Variants in BAIAP2L1 observed in about 807,000 individuals in gnomAD.
BAIAP2L1 encodes the protein BAR/IMD domain-containing adapter protein 2-like 1.
A neutral mutation model predicts 66.3 loss-of-function variants in BAIAP2L1; 35 were observed. The ratio of observed to expected loss-of-function variants is 0.53; its 90% CI spans 0.40 to 0.70. The LOEUF (loss-of-function observed/expected upper bound fraction) is 0.70. BAIAP2L1 is among the 30% of genes least tolerant of loss of function. The probability of loss-of-function intolerance (pLI) is 0.00; values close to 1 mark genes in which losing one functional copy is unlikely to be tolerated. For missense variants in BAIAP2L1, 622 were observed against 656.9 expected, an observed-to-expected ratio of 0.95 and a Z score of 0.58; for synonymous variants, 269 against 248.7, an observed-to-expected ratio of 1.08 and a Z score of -0.77.
chr7:98,351,108 G>A lies in BAIAP2L1; in HGVS notation c.214+3934C>T, dbSNP rs542239900. ...ACTCCTGACCTCGGGTGATCCGCCC[G>A]CCTTGGCCTTCCAAAGTGCTGGGAT... On this transcript the variant is annotated intron_variant, in intron 3 of 13. Coordinates refer to ENST00000005260, the MANE Select transcript of BAIAP2L1 (RefSeq NM_018842.5). Among the ~76,000 whole-genome samples the A allele has an allele frequency of 3.3e-5, 5 of 152,194 alleles. No individual in the cohort carries two copies. In the East Asian group the frequency reaches 5.8e-4, roughly 18 times the overall value.
At chr7:98,307,476 A>T in intron 10 of BAIAP2L1, 1 of 1,420,838 alleles carries the variant, frequency 7.0e-7, no homozygotes, top group Admixed American at 2.9e-5. Context: ...ATACGCTCTA[A>T]TAACTATGCA....
chr7:98,397,307 C>T (rs1287249124), intron 1 of BAIAP2L1, among the ~76,000 whole-genome samples: 2 of 145,352 alleles, frequency 1.4e-5, no homozygotes, highest in Non-Finnish European at 3.0e-5. Context: ...TCTTCCTCCA[C>T]TTCTTAAGCC....
In BAIAP2L1 at chr7:98,305,052, T is replaced by TTG. The variant is rs1172951903; in HGVS notation, c.1242-677_1242-676insCA. 3.8e-3 allele frequency among the ~76,000 whole-genome samples: 338 copies of TTG among 89,904 alleles called. 1 individual carries two copies. Among genetic ancestry groups the TTG allele is most frequent in the East Asian group, 0.028 (95 of 3,382 alleles). The allele number at this position is 89,904 out of a possible 152,430, so 59.0% of individuals were successfully genotyped here. A position where few individuals can be genotyped will look rare whatever the true frequency, so the allele number is the denominator to read the frequency against. ...AGCTAATTTTTTTGTTTTTTGTTTT[T>TTG]TTTTTTTTTTTTTTTTTTAGTAGAG... On this transcript the variant is annotated intron_variant, in intron 11 of 13. Transcript: ENST00000005260.
chr7:98,294,566 T>A (rs1800108090), intron 12 of BAIAP2L1, among the ~76,000 whole-genome samples: 1 of 152,120 alleles, frequency 6.6e-6, no homozygotes, highest in East Asian at 1.9e-4. Flanking sequence ...AAATGAAGCT[T>A]GAGCAACAGA....
chr7:98,392,235 T>C (rs1803063800), intron 1 of BAIAP2L1, among the ~76,000 whole-genome samples: 1 of 149,620 alleles, frequency 6.7e-6, no homozygotes, highest in Non-Finnish European at 1.5e-5. Context: ...TCCCAGCTAC[T>C]AAGGGAGGCT....
chr7:98,320,949 T>G (rs796617787), intron 3 of BAIAP2L1, among the ~76,000 whole-genome samples: 4 of 152,308 alleles, frequency 2.6e-5, no homozygotes, highest in African/African-American at 9.6e-5. Flanking sequence ...CTCCACCTCC[T>G]GGGTTCAAGT....
At chr7:98,310,705 G>A in intron 8 of BAIAP2L1, 113 bp from the exon 9 acceptor site, 5 of 491,652 alleles carry the variant, frequency 1.0e-5, no homozygotes, top group Non-Finnish European at 6.2e-6. Context: ...TATTTATTTT[G>A]AGACAGAGTC....
At chr7:98,399,625 A>G (rs1266196894) in intron 1 of BAIAP2L1, among the ~76,000 whole-genome samples, 2 of 152,222 alleles carry the variant, frequency 1.3e-5, no homozygotes, top group Non-Finnish European at 2.9e-5. Context: ...CAAGGGTTCG[A>G]AGCGCCTAGG....
intron 1 of BAIAP2L1, among the ~76,000 whole-genome samples, chr7:98,375,808 T>C (rs1479893588): frequency 1.3e-5 from 2 of 151,014 alleles, no homozygotes; most frequent in Non-Finnish European, 2.9e-5. Flanking sequence ...ACTGGTTCCC[T>C]TTGCTGAAAA....
chr7:98,378,303 G>C lies in BAIAP2L1; in HGVS notation c.52-15871C>G, dbSNP rs116707909. 3.3e-4 allele frequency among the ~76,000 whole-genome samples: 51 copies of C among 152,268 alleles called. 1 individual carries two copies. Among genetic ancestry groups the C allele is most frequent in the South Asian group, 1.0e-3 (5 of 4,830 alleles). Reference sequence around the variant, plus strand: ...CTGGTGTGTTTTAGCCTCAGTTCTCGTGTCCATCATAAGTGAATGTCATCA... The same window carrying C: ...CTGGTGTGTTTTAGCCTCAGTTCTCCTGTCCATCATAAGTGAATGTCATCA... On this transcript the variant is annotated intron_variant, in intron 1 of 13. Transcript: ENST00000005260.
At position 98,320,283 on chromosome 7, in the gene BAIAP2L1, T is replaced by C. The variant is rs753624941; in HGVS notation, c.230A>G (p.Glu77Gly). ...GAGTTTCTTGTGGGTACTTGAAATC[T>C]CTATGAGGACATGTCCTGGGAACAA... The part of the protein sequence containing the change: ...VSTELGHVLI[E>G]ISSTHKKLNE... The change falls in exon 4 of 14, where the codon GAG becomes GGG. Residue 77 changes from glutamate to glycine, a missense_variant. By Grantham distance (98) the Glu-to-Gly change is moderately conservative. Transcript: ENST00000005260. 1 of 1,607,638 alleles carries C rather than the reference T, an allele frequency of 6.2e-7. No individual in the cohort carries two copies. The highest frequency in any genetic ancestry group is 1.7e-5 in the Admixed American group (1 of 59,244).
chr7:98,339,663 G>A (rs574243025), intron 3 of BAIAP2L1, among the ~76,000 whole-genome samples: 10 of 152,294 alleles, frequency 6.6e-5, no homozygotes, highest in South Asian at 4.1e-4. Context: ...AGCCTGTCAC[G>A]GGAGCTACGC....
intron 2 of BAIAP2L1, among the ~76,000 whole-genome samples, chr7:98,359,603 T>G (rs1174768066): frequency 1.3e-5 from 2 of 152,004 alleles, no homozygotes; most frequent in African/African-American, 4.8e-5. Flanking sequence ...CAGTAGTGTC[T>G]GCCTGCTGAA....
In BAIAP2L1 at chr7:98,293,488, CGGAGAGGCCCG is replaced by C. The variant is rs2116769525; in HGVS notation, c.*22_*32del. 6.3e-7 allele frequency: 1 copy of C among 1,594,072 alleles called. No individual in the cohort carries two copies. The highest frequency in any genetic ancestry group is 8.6e-7 in the Non-Finnish European group (1 of 1,163,460). ...CGCCCATCATTCCGCAAGGGAGAAC[CGGAGAGGCCCG>C]GGAGAGTCCTTGGCTGTCCTCTCAT... On this transcript the variant is annotated 3_prime_UTR_variant, in exon 14 of 14. Coordinates refer to ENST00000005260, the MANE Select transcript of BAIAP2L1 (RefSeq NM_018842.5).
chr7:98,378,565 C>G (rs541233004), intron 1 of BAIAP2L1, among the ~76,000 whole-genome samples: 1 of 152,328 alleles, frequency 6.6e-6, no homozygotes, highest in African/African-American at 2.4e-5. Flanking sequence ...CTTTAAAGTA[C>G]TTATCATACT....
intron 3 of BAIAP2L1, among the ~76,000 whole-genome samples, chr7:98,349,239 T>C (rs755573702): frequency 1.3e-5 from 2 of 152,080 alleles, no homozygotes; most frequent in Non-Finnish European, 2.9e-5. Context: ...CTGCAACCCC[T>C]GAGGAAGAAG....
chr7:98,359,745 G>GTTTTTTTTT (rs780836343), intron 2 of BAIAP2L1, among the ~76,000 whole-genome samples: 3 of 109,022 alleles, frequency 2.8e-5, no homozygotes, highest in African/African-American at 6.8e-5. Flanking sequence ...GTAGACCTGG[G>GTTTTTTTTT]TTTTTTTTTT....
chr7:98,385,834 C>T (rs984152781), intron 1 of BAIAP2L1: 23 of 1,529,902 alleles, frequency 1.5e-5, no homozygotes, highest in Non-Finnish European at 2.0e-5. Context: ...TCCATCAGCT[C>T]GTTCAACTTT....
chr7:98,338,171 G>A (rs531431526), intron 3 of BAIAP2L1, among the ~76,000 whole-genome samples: 1 of 152,244 alleles, frequency 6.6e-6, no homozygotes, highest in African/African-American at 2.4e-5. Context: ...GGTGGCTCAC[G>A]CTTGTAATCC....
Sources: gnomAD v4.1 joint callset for allele counts (sites outside exome capture counted in the v4.1 genomes callset) on GRCh38, gnomAD v4.1.1 for gene constraint, MANE v1.5 for transcripts, NCBI Gene and HGNC (gene_info 2026-07-23, HGNC 2026-07-21) for gene names.